Variants in RAPGEF5 observed in about 807,000 individuals in gnomAD.
RAPGEF5 encodes the protein M-Ras-regulated GEF.
A neutral mutation model predicts 125.2 loss-of-function variants in RAPGEF5; 65 were observed. The observed-to-expected ratio is 0.52, with a 90% CI of 0.43 to 0.64. The LOEUF is 0.64. Among genes scored for constraint, RAPGEF5 ranks in the 30% least tolerant of loss-of-function variants. RAPGEF5 has a pLI of 0.00. For missense variants in RAPGEF5, 958 were observed against 1,048.1 expected, an observed-to-expected ratio of 0.91 and a Z score of 1.19; for synonymous variants, 391 against 385.9, an observed-to-expected ratio of 1.01 and a Z score of -0.16.
At chr7:22,180,602 C>G (rs978803666) in intron 11 of RAPGEF5, among the ~76,000 whole-genome samples, 5 of 152,146 alleles carry the variant, frequency 3.3e-5, no homozygotes, top group Non-Finnish European at 5.9e-5. Context: ...TACATTTATA[C>G]CATGTTTAAA....
intron 10 of RAPGEF5, 134 bp downstream of exon 10, chr7:22,193,781 G>C (rs769734596): frequency 6.3e-7 from 1 of 1,595,610 alleles, no homozygotes; most frequent in South Asian, 1.1e-5. Context: ...TAGAACGCTG[G>C]AGAGGCGGAG....
intron 11 of RAPGEF5, among the ~76,000 whole-genome samples, chr7:22,189,239 C>T (rs977556954): frequency 5.3e-5 from 8 of 151,738 alleles, no homozygotes; most frequent in African/African-American, 1.7e-4. Flanking sequence ...TAACATATTT[C>T]CTATGTTTTC....
intron 23 of RAPGEF5, 67 bp from the exon 24 acceptor site, chr7:22,131,168 T>C (rs1432474882): frequency 6.9e-7 from 1 of 1,443,936 alleles, no homozygotes; most frequent in Non-Finnish European, 9.1e-7. Context: ...GCTGAAGAGG[T>C]CTAGGTACAA....
chr7:22,149,452 T>C (rs1783549264), intron 18 of RAPGEF5, among the ~76,000 whole-genome samples: 1 of 152,226 alleles, frequency 6.6e-6, no homozygotes, highest in South Asian at 2.1e-4. Flanking sequence ...GAGCCCACTT[T>C]TTCTAGATGA....
At chr7:22,267,434 T>A (rs1051682977) in intron 6 of RAPGEF5, among the ~76,000 whole-genome samples, 1 of 152,238 alleles carries the variant, frequency 6.6e-6, no homozygotes, top group Non-Finnish European at 1.5e-5. Context: ...AAAGTTGATA[T>A]AGGTAATCCT....
chr7:22,195,535 T>A (rs1270624836), intron 9 of RAPGEF5, among the ~76,000 whole-genome samples: 2 of 152,178 alleles, frequency 1.3e-5, no homozygotes, highest in African/African-American at 2.4e-5. Context: ...GTCAGACGCG[T>A]GCAGTTACTG....
intron 12 of RAPGEF5, among the ~76,000 whole-genome samples, chr7:22,164,988 C>T (rs6960229): frequency 0.92 from 140,103 of 152,270 alleles, 64,507 homozygotes; most frequent in East Asian, 0.99. Flanking sequence ...ATATGTAACA[C>T]ATCTTCACTA....
At chr7:22,146,679 T>C (rs1466169170) in intron 19 of RAPGEF5, among the ~76,000 whole-genome samples, 1 of 152,218 alleles carries the variant, frequency 6.6e-6, no homozygotes, top group African/African-American at 2.4e-5. Flanking sequence ...ATTTATACAT[T>C]ACACAAGCAT....
At chr7:22,239,159 T>C (rs775671523) in intron 7 of RAPGEF5, among the ~76,000 whole-genome samples, 1 of 152,126 alleles carries the variant, frequency 6.6e-6, no homozygotes, top group African/African-American at 2.4e-5. Context: ...TATGGAGATG[T>C]GCCCAGGTGG....
At chr7:22,258,546 C>T (rs946915096) in intron 7 of RAPGEF5, among the ~76,000 whole-genome samples, 10 of 147,304 alleles carry the variant, frequency 6.8e-5, no homozygotes, top group African/African-American at 2.5e-4. Flanking sequence ...ATCACTTGAA[C>T]CGGGGAGGCA....
chr7:22,332,776 A>G (rs1783947304), intron 1 of RAPGEF5, among the ~76,000 whole-genome samples: 1 of 152,216 alleles, frequency 6.6e-6, no homozygotes, highest in Non-Finnish European at 1.5e-5. Context: ...TCACAGTCCT[A>G]TTAACCAACA....
intron 1 of RAPGEF5, 57 bp downstream of exon 1, chr7:22,356,773 G>T: frequency 1.0e-6 from 1 of 993,472 alleles, no homozygotes; most frequent in Non-Finnish European, 1.2e-6. Flanking sequence ...CGGGGGGTGG[G>T]CGCGGGCTCC....
chr7:22,178,291 G>T (rs534229630), intron 11 of RAPGEF5, among the ~76,000 whole-genome samples: 3 of 152,180 alleles, frequency 2.0e-5, no homozygotes, highest in South Asian at 4.2e-4. Context: ...CTATATGAAA[G>T]ATTATACTGA....
At chr7:22,240,247 G>T (rs887460973) in intron 7 of RAPGEF5, among the ~76,000 whole-genome samples, 2 of 148,224 alleles carry the variant, frequency 1.3e-5, no homozygotes, top group African/African-American at 4.9e-5. Flanking sequence ...TTAATGCAAA[G>T]GTGGCTTGTG....
chr7:22,138,193 C>T (rs1413407136), intron 21 of RAPGEF5, among the ~76,000 whole-genome samples: 2 of 152,292 alleles, frequency 1.3e-5, no homozygotes, highest in East Asian at 1.9e-4. Context: ...TCAAACCCAA[C>T]ATGTCCGAAG....
intron 11 of RAPGEF5, among the ~76,000 whole-genome samples, chr7:22,176,845 C>G (rs544968034): frequency 2.6e-5 from 4 of 152,102 alleles, no homozygotes; most frequent in African/African-American, 9.7e-5. Flanking sequence ...GAGGTTCTTT[C>G]GAAATAATCT....
chr7:22,189,541 G>A (rs1422705225), intron 11 of RAPGEF5, among the ~76,000 whole-genome samples: 4 of 151,842 alleles, frequency 2.6e-5, no homozygotes, highest in Middle Eastern at 6.8e-3. Context: ...TACCTTCCTC[G>A]TAATTCTCTC....
chr7:22,261,319 A>G (rs546312085), intron 7 of RAPGEF5, among the ~76,000 whole-genome samples: 60 of 152,270 alleles, frequency 3.9e-4, no homozygotes, highest in African/African-American at 1.4e-3. Context: ...ATGTAAAACT[A>G]TATTACTGAT....
chr7:22,322,185 G>A (rs1783728076), intron 1 of RAPGEF5, among the ~76,000 whole-genome samples: 1 of 151,146 alleles, frequency 6.6e-6, no homozygotes, highest in Non-Finnish European at 1.5e-5. Flanking sequence ...GTCCAGGCTG[G>A]AGTGCAGTAG....
Sources: gnomAD v4.1 joint callset for allele counts (sites outside exome capture counted in the v4.1 genomes callset) on GRCh38, gnomAD v4.1.1 for gene constraint, MANE v1.5 for transcripts, NCBI Gene and HGNC (gene_info 2026-07-23, HGNC 2026-07-21) for gene names.